CELF1: variants seen among roughly 807,000 people sequenced by gnomAD.
The protein encoded by CELF1 is 50 kDa nuclear polyadenylated RNA-binding protein.
Under a neutral mutation model 61.8 loss-of-function variants are expected in CELF1, and 10 were observed. That is an observed-to-expected ratio of 0.16 (90% CI 0.10 to 0.27). The LOEUF (loss-of-function observed/expected upper bound fraction) is 0.27. Among genes scored for constraint, CELF1 ranks in the 10% least tolerant of loss-of-function variants. CELF1 has a pLI of 1.00. For missense variants in CELF1, 380 were observed against 639.1 expected, an observed-to-expected ratio of 0.59 and a Z score of 4.37; for synonymous variants, 236 against 225.1, an observed-to-expected ratio of 1.05 and a Z score of -0.43.
In CELF1 at chr11:47,503,291, G is replaced by C. The variant is rs1055572338; in HGVS notation, c.-153-2359C>G. 3.3e-5 allele frequency among the ~76,000 whole-genome samples: 5 copies of C among 152,280 alleles called. No homozygotes were observed. In the South Asian group the frequency reaches 1.0e-3, roughly 32 times the overall value. ...GCAATCACAGTATGTTTTGCCAAAA[G>C]GATGAAAAAGCAAACAAAAGCACAG... is the stretch of plus-strand genomic sequence containing the variant. On this transcript the variant is annotated intron_variant, in intron 1 of 14. Transcript: ENST00000687097.
intron 1 of CELF1, among the ~76,000 whole-genome samples, chr11:47,503,311 GCA>G (rs1302985325): frequency 3.3e-5 from 5 of 152,132 alleles, no homozygotes; most frequent in Admixed American, 3.3e-4. Context: ...GCAAACAAAA[GCA>G]CAGTTAAGCA....
intron 1 of CELF1, among the ~76,000 whole-genome samples, chr11:47,510,842 C>T (rs1342475623): frequency 6.6e-6 from 1 of 152,076 alleles, no homozygotes; most frequent in Admixed American, 6.6e-5. Context: ...CCTTGAAAAA[C>T]TTCCTTGATA....
intron 1 of CELF1, among the ~76,000 whole-genome samples, chr11:47,542,747 C>G (rs1027415308): frequency 6.6e-6 from 1 of 151,850 alleles, no homozygotes; most frequent in Non-Finnish European, 1.5e-5. Context: ...ATCCGCGTGT[C>G]TTGGCCTCCC....
Position 47,478,920 on chromosome 11 carries a change from G to A in CELF1, c.801C>T (p.Ser267=). ...TGCTCAGGGTGTTGAGGTTCCCAGAGGAGGCAGTCTGCTGAAGGAGCTGCA... is the reference window on the plus strand; with the variant it reads ...TGCTCAGGGTGTTGAGGTTCCCAGAAGAGGCAGTCTGCTGAAGGAGCTGCA... The part of the protein sequence containing the change: ...LYLQLLQQTA[S]SGNLNTLSSL... Residue 267 remains serine, a synonymous_variant, in exon 10 of 15, where the codon TCC becomes TCT. Coordinates refer to ENST00000687097, the MANE Select transcript of CELF1 (RefSeq NM_001376376.1). 6.2e-7 allele frequency: 1 copy of A among 1,613,340 alleles called. No individual in the cohort carries two copies. Among genetic ancestry groups the A allele is most frequent in the South Asian group, 1.1e-5 (1 of 90,828 alleles).
At chr11:47,527,762 C>G (rs75950363) in intron 1 of CELF1, among the ~76,000 whole-genome samples, 187 of 152,176 alleles carry the variant, frequency 1.2e-3, no homozygotes, top group Middle Eastern at 6.8e-3. Flanking sequence ...CCTGTATGTT[C>G]TCTACTAAAA....
At chr11:47,554,122 A>G (rs973846912), upstream of CELF1, among the ~76,000 whole-genome samples, 1 of 152,072 alleles carries the variant, frequency 6.6e-6, no homozygotes, top group Non-Finnish European at 1.5e-5. Flanking sequence ...ATTATATCCT[A>G]CCTTACCACA....
chr11:47,538,535 C>T (rs1361001056), intron 1 of CELF1, among the ~76,000 whole-genome samples: 1 of 149,534 alleles, frequency 6.7e-6, no homozygotes, highest in Non-Finnish European at 1.5e-5. Context: ...CCCAGCTACT[C>T]GGGAGGCTGA....
intron 8 of CELF1, 45 bp downstream of exon 8, chr11:47,483,408 A>T (rs202233811): frequency 6.7e-7 from 1 of 1,496,994 alleles, no homozygotes; most frequent in African/African-American, 1.4e-5. Context: ...CTGTCCCAGC[A>T]TTCCCAAGCT....
Position 47,486,774 on chromosome 11 carries a change from G to T in CELF1, c.367C>A (p.Pro123Thr). 2 of 1,612,234 alleles carry T rather than the reference G, an allele frequency of 1.2e-6. No individual in the cohort carries two copies. The highest frequency in any genetic ancestry group is 1.7e-6 in the Non-Finnish European group (2 of 1,178,268). ...CCATTGTTCTTCTCACTGTCAGCAG[G>T]TTTCATCTGTATAGGGTGATGCATC... ...PGMHHPIQMK[P>T]ADSEKNNAVE... is the part of the protein sequence containing the mutation. The change falls in exon 6 of 15, where the codon CCT (proline) becomes ACT (threonine). Residue 123 changes from proline to threonine, a missense_variant. Pro to Thr is a conservative substitution (Grantham distance 38, BLOSUM62 -1). Transcript: ENST00000687097.
chr11:47,518,940 A>G (rs907584911), intron 1 of CELF1, among the ~76,000 whole-genome samples: 2 of 152,228 alleles, frequency 1.3e-5, no homozygotes, highest in South Asian at 4.1e-4. Context: ...GTCTTGTTTC[A>G]GGAGCTTTGC....
chr11:47,496,056 GAAC>G (rs1482141465), intron 3 of CELF1: 2 of 941,994 alleles, frequency 2.1e-6, no homozygotes, highest in Non-Finnish European at 2.5e-6. Context: ...GGAAAAACTG[GAAC>G]AGAAGTGCGT....
At chr11:47,485,087 G>A (rs1335015361) in intron 6 of CELF1, among the ~76,000 whole-genome samples, 1 of 152,216 alleles carries the variant, frequency 6.6e-6, no homozygotes, top group African/African-American at 2.4e-5. Context: ...TTCTGTGCCT[G>A]TTTCCTCATC....
chr11:47,563,583 G>A (rs557983824), intron 2 of CELF1, among the ~76,000 whole-genome samples: 1 of 152,188 alleles, frequency 6.6e-6, no homozygotes, highest in Non-Finnish European at 1.5e-5. Context: ...TAGCTACTGG[G>A]GAGGATGAGG....
chr11:47,477,503 G>A, intron 10 of CELF1, 78 bp from the exon 11 acceptor site: 1 of 1,475,988 alleles, frequency 6.8e-7, no homozygotes, highest in Non-Finnish European at 9.4e-7. Flanking sequence ...AGCACACACT[G>A]GCAGAGGGCT....
intron 1 of CELF1, among the ~76,000 whole-genome samples, chr11:47,524,266 C>G (rs2096116869): frequency 6.6e-6 from 1 of 151,936 alleles, no homozygotes; most frequent in Non-Finnish European, 1.5e-5. Flanking sequence ...AATACCACCC[C>G]AAGAGCTGAT....
In CELF1 at chr11:47,476,832, G is replaced by A. The variant is rs756403293; in HGVS notation, c.1087+14C>T. 2.5e-6 allele frequency: 4 copies of A among 1,593,520 alleles called. No individual in the cohort carries two copies. In the South Asian group the frequency reaches 3.3e-5, roughly 13 times the overall value. ...CAAAGAATAGTCTGATGACAGCCAG[G>A]TGCTGCCCCTTACCTGCCAAAGAGC... On this transcript the variant is annotated intron_variant, in intron 12 of 14. Coordinates refer to ENST00000687097, the MANE Select transcript of CELF1 (RefSeq NM_001376376.1).
At position 47,475,194 on chromosome 11, in the gene CELF1, C is replaced by G. The variant is rs141604102; in HGVS notation, c.1273+142G>C. 71 of 705,726 alleles carry G rather than the reference C, an allele frequency of 1.0e-4. No homozygotes were observed. In the African/African-American group the frequency reaches 1.2e-3, roughly 12 times the overall value. The allele number at this position is 705,726 out of a possible 1,614,324, so 43.7% of individuals were successfully genotyped here. On this transcript the variant is annotated intron_variant, in intron 13 of 14. Transcript: ENST00000687097. ...AAGCAGATCACACTTCACAGGGTTT[C>G]TCAGTCTACACTTGACACTGTCAAA...
chr11:47,538,384 C>T (rs1252532973), intron 1 of CELF1, among the ~76,000 whole-genome samples: 1 of 152,144 alleles, frequency 6.6e-6, no homozygotes, highest in Non-Finnish European at 1.5e-5. Context: ...TGGCTCACGC[C>T]TCTAATCCCA....
intron 1 of CELF1, 68 bp downstream of exon 1, chr11:47,552,924 G>A: frequency 5.0e-6 from 2 of 397,534 alleles, no homozygotes; most frequent in African/African-American, 2.1e-5. Flanking sequence ...GCCCCGCGGC[G>A]CCTCCCTCTT....
Sources: gnomAD v4.1 joint callset for allele counts (sites outside exome capture counted in the v4.1 genomes callset) on GRCh38, gnomAD v4.1.1 for gene constraint, MANE v1.5 for transcripts, NCBI Gene and HGNC (gene_info 2026-07-23, HGNC 2026-07-21) for gene names.